The following ATXN7L1 variants were observed in gnomAD, a reference collection of about 807,000 sequenced individuals.
The protein encoded by ATXN7L1 is ataxin-7-like protein 1.
In ATXN7L1, 15 loss-of-function variants were observed where a neutral mutation model predicts 70.8. The ratio of observed to expected loss-of-function variants is 0.21; its 90% CI spans 0.14 to 0.33. The LOEUF is 0.33. Among genes scored for constraint, ATXN7L1 ranks in the 10% least tolerant of loss-of-function variants. The pLI is 1.00. For synonymous variants in ATXN7L1, 440 were observed against 445.1 expected (o/e 0.99, Z 0.14); for missense variants, 975 against 1,097.1 (o/e 0.89, Z 1.57).
Position 105,607,757 on chromosome 7 carries a change from C to T in ATXN7L1, c.*95G>A, listed in dbSNP as rs1396140647. On this transcript the variant is annotated 3_prime_UTR_variant, in exon 12 of 12. Coordinates refer to ENST00000419735, the MANE Select transcript of ATXN7L1 (RefSeq NM_020725.2). Reference sequence around the variant, plus strand: ...AGGGAGTGCACAGAAAACAGACTCTCCCCCCAGCCCACTCCCCTCCCTCCT... The same window carrying T: ...AGGGAGTGCACAGAAAACAGACTCTTCCCCCAGCCCACTCCCCTCCCTCCT... The T allele has an allele frequency of 3.5e-6, 4 of 1,135,684 alleles. No individual in the cohort carries two copies. The highest frequency in any genetic ancestry group is 5.2e-6 in the Non-Finnish European group (4 of 775,204). The allele number at this position is 1,135,684 out of a possible 1,614,324, so 70.4% of individuals were successfully genotyped here.
At chr7:105,717,181 G>A (rs1012677733) in intron 3 of ATXN7L1, among the ~76,000 whole-genome samples, 15 of 152,238 alleles carry the variant, frequency 9.9e-5, no homozygotes, top group African/African-American at 2.9e-4. Flanking sequence ...AGGCTGGAGT[G>A]CAGTGGCACA....
intron 2 of ATXN7L1, among the ~76,000 whole-genome samples, chr7:105,844,981 G>C (rs775646873): frequency 2.6e-5 from 4 of 152,142 alleles, no homozygotes; most frequent in Admixed American, 2.0e-4. Context: ...GAGGTGGGAG[G>C]ATCACCTGAG....
At chr7:105,680,103 T>G (rs1219062448) in intron 3 of ATXN7L1, among the ~76,000 whole-genome samples, 1 of 151,762 alleles carries the variant, frequency 6.6e-6, no homozygotes, top group African/African-American at 2.4e-5. Flanking sequence ...ATTAAACCTT[T>G]AAGACACAAA....
At chr7:105,609,731 G>T (rs150320763) in intron 11 of ATXN7L1, among the ~76,000 whole-genome samples, 8 of 151,952 alleles carry the variant, frequency 5.3e-5, no homozygotes, top group Non-Finnish European at 1.0e-4. Context: ...CAAAGTGCTG[G>T]GATTATAGGT....
chr7:105,767,123 C>A (rs1199713804), intron 3 of ATXN7L1, among the ~76,000 whole-genome samples: 1 of 152,100 alleles, frequency 6.6e-6, no homozygotes, highest in Non-Finnish European at 1.5e-5. Context: ...GGGAATGACT[C>A]CAGAGCAGAG....
chr7:105,747,812 C>T (rs1342528271), intron 3 of ATXN7L1, among the ~76,000 whole-genome samples: 3 of 152,154 alleles, frequency 2.0e-5, no homozygotes, highest in African/African-American at 7.2e-5. Context: ...AAAACTCCAA[C>T]ATGTTTGGTC....
At chr7:105,694,185 C>G (rs1404355110) in intron 3 of ATXN7L1, among the ~76,000 whole-genome samples, 3 of 152,054 alleles carry the variant, frequency 2.0e-5, no homozygotes, top group Non-Finnish European at 4.4e-5. Context: ...GTATCTGGGT[C>G]TACAGGCACA....
chr7:105,614,643 G>A lies in ATXN7L1; in HGVS notation c.1691C>T (p.Ser564Leu). The A allele has an allele frequency of 6.4e-7, 1 of 1,551,802 alleles. No homozygotes were observed. Among genetic ancestry groups the A allele is most frequent in the East Asian group, 2.4e-5 (1 of 40,910 alleles). ...SSYIMTSAML[S>L]NAAFVTSPDP... ...CGGCGATGTCACGAAAGCTGCGTTT[G>A]AGAGCATGGCTGATGTCATTATGTA... Residue 564 changes from serine (S) to leucine (L), a missense_variant, in exon 10 of 12, where the codon TCA becomes TTA. Ser to Leu is a moderately radical substitution (Grantham distance 145). This residue lies in a region of ATXN7L1 where 635 missense variants were observed against 699.4 expected (regional missense o/e 0.91). Coordinates refer to ENST00000419735, the MANE Select transcript of ATXN7L1 (RefSeq NM_020725.2). The surrounding 1 kb of genome is among the most constrained non-coding windows in gnomAD (Gnocchi z 4.3).
intron 3 of ATXN7L1, among the ~76,000 whole-genome samples, chr7:105,781,020 A>G (rs1222708056): frequency 2.6e-5 from 4 of 152,218 alleles, no homozygotes; most frequent in Non-Finnish European, 4.4e-5. Flanking sequence ...CCTAGGGGCT[A>G]TTGGCAATGT....
chr7:105,733,719 C>A, intron 3 of ATXN7L1, among the ~76,000 whole-genome samples: 1 of 146,158 alleles, frequency 6.8e-6, no homozygotes, highest in Non-Finnish European at 1.5e-5. Context: ...TCCACCCATC[C>A]ATCCATCCTT....
Position 105,678,888 on chromosome 7 carries a change from C to A in ATXN7L1, c.356-13600G>T, listed in dbSNP as rs1242818722. The stretch of plus-strand genomic sequence containing the variant: ...TCCCCGCCTCAGCCCTGTCTCGGCT[C>A]CAGCTCCAGCCCACAGCCGGAGAGC... On this transcript the variant is annotated intron_variant, in intron 3 of 11. Transcript: ENST00000419735. 3.9e-5 allele frequency among the ~76,000 whole-genome samples: 6 copies of A among 152,346 alleles called. No individual in the cohort carries two copies. The East Asian group carries it at 1.2e-3, about 29-fold the overall frequency.
At position 105,720,317 on chromosome 7, in the gene ATXN7L1, T is replaced by A. The variant is rs114977108; in HGVS notation, c.356-55029A>T. 5.4e-3 allele frequency among the ~76,000 whole-genome samples: 818 copies of A among 152,226 alleles called. 7 individuals are homozygous for A. The highest frequency in any genetic ancestry group is 0.019 in the African/African-American group (776 of 41,534). On this transcript the variant is annotated intron_variant, in intron 3 of 11. Transcript: ENST00000419735. ...GGGAGGCTGAGGTGGGTGAATTGCC[T>A]GAGGTCAGAAGTTCGAGACCAGTCT...
At chr7:105,813,154 A>T (rs894366824) in intron 2 of ATXN7L1, among the ~76,000 whole-genome samples, 3 of 152,154 alleles carry the variant, frequency 2.0e-5, no homozygotes, top group African/African-American at 7.2e-5. Flanking sequence ...TTCCACATAC[A>T]TTTCATGACA....
chr7:105,770,178 C>G (rs12673667), intron 3 of ATXN7L1, among the ~76,000 whole-genome samples: 3 of 152,160 alleles, frequency 2.0e-5, no homozygotes, highest in African/African-American at 7.2e-5. Flanking sequence ...AAAAGCCTGC[C>G]TGAGACAATT....
At chr7:105,819,610 G>A (rs1809781020) in intron 2 of ATXN7L1, 2 of 895,566 alleles carry the variant, frequency 2.2e-6, no homozygotes, top group African/African-American at 1.6e-5. Context: ...CGCTGTGAGG[G>A]CATCATCATT....
intron 4 of ATXN7L1, among the ~76,000 whole-genome samples, chr7:105,662,023 TTTCTTTCCTTCC>T (rs1392350162): frequency 0.071 from 4,648 of 65,088 alleles, 162 homozygotes; most frequent in African/African-American, 0.14. Context: ...TCTTTCTTTC[TTTCTTTCCTTCC>T]TTCCTTCCTT....
intron 9 of ATXN7L1, among the ~76,000 whole-genome samples, chr7:105,619,140 G>GTTTTATTTTTTTTTTT (rs1794382228): frequency 2.0e-5 from 1 of 49,846 alleles, no homozygotes; most frequent in Non-Finnish European, 3.3e-5. Context: ...GAAATCTTTA[G>GTTTTATTTTTTTTTTT]TTTTTTTTTT....
At chr7:105,820,550 G>A (rs934663814) in intron 2 of ATXN7L1, among the ~76,000 whole-genome samples, 2 of 152,176 alleles carry the variant, frequency 1.3e-5, no homozygotes, top group African/African-American at 4.8e-5. Flanking sequence ...CCTTCTGTGG[G>A]GCTAATGCTT....
At chr7:105,809,366 G>A (rs1204698571) in intron 2 of ATXN7L1, among the ~76,000 whole-genome samples, 1 of 152,148 alleles carries the variant, frequency 6.6e-6, no homozygotes, top group Non-Finnish European at 1.5e-5. Flanking sequence ...CAGATCTCTA[G>A]AACTGACTCA....
Sources: gnomAD v4.1 joint callset for allele counts (sites outside exome capture counted in the v4.1 genomes callset) on GRCh38, gnomAD v4.1.1 for gene constraint, gnomAD v4.1.1 regional missense constraint, Gnocchi (gnomAD v3.1) non-coding constraint, MANE v1.5 for transcripts, NCBI Gene and HGNC (gene_info 2026-07-23, HGNC 2026-07-21) for gene names.